RASSF8: variants seen among roughly 807,000 people sequenced by gnomAD.
RASSF8 encodes the protein Ras association domain family member 8.
In RASSF8, 22 loss-of-function variants were observed where a neutral mutation model predicts 48.5. That is an observed-to-expected ratio of 0.45 (90% CI 0.32 to 0.65). The LOEUF (loss-of-function observed/expected upper bound fraction) is 0.65, where lower values mean the gene tolerates loss of function less well. RASSF8 is among the 30% of genes least tolerant of loss of function. The pLI is 0.03. For synonymous variants in RASSF8, 127 were observed against 171.5 expected (o/e 0.74, Z 2.03); for missense variants, 418 against 489.2 (o/e 0.85, Z 1.37).
chr12:26,002,347 C>T (rs974205328), intron 2 of RASSF8, among the ~76,000 whole-genome samples: 21 of 152,192 alleles, frequency 1.4e-4, no homozygotes, highest in Middle Eastern at 3.4e-3. Flanking sequence ...GCAGGAGAAT[C>T]GCTTGAACCC....
At chr12:26,025,587 A>G (rs1942893528) in intron 2 of RASSF8, among the ~76,000 whole-genome samples, 1 of 150,032 alleles carries the variant, frequency 6.7e-6, no homozygotes, top group African/African-American at 2.5e-5. Flanking sequence ...AAAAGCATTC[A>G]GATTGGAAAG....
At chr12:25,971,435 TTG>T (rs1941481417) in intron 1 of RASSF8, among the ~76,000 whole-genome samples, 1 of 152,324 alleles carries the variant, frequency 6.6e-6, no homozygotes, top group East Asian at 1.9e-4. Context: ...GTTCCCACCT[TTG>T]GCACTGATCA....
At chr12:25,973,675 G>T (rs1941535502) in intron 1 of RASSF8, 1 of 152,152 alleles carries the variant, frequency 6.6e-6, no homozygotes, top group South Asian at 2.1e-4. Context: ...GCCTTTGGAA[G>T]GTGATTAGCT....
At chr12:26,012,504 C>T (rs1486908936) in intron 2 of RASSF8, among the ~76,000 whole-genome samples, 5 of 152,114 alleles carry the variant, frequency 3.3e-5, no homozygotes, top group Non-Finnish European at 5.9e-5. Flanking sequence ...TAGACATCAT[C>T]TCCTCATCCA....
chr12:26,051,348 A>G (rs1943485986), intron 2 of RASSF8, among the ~76,000 whole-genome samples: 2 of 152,220 alleles, frequency 1.3e-5, no homozygotes, highest in South Asian at 4.1e-4. Context: ...ACCTGAAGGT[A>G]ATGAATAGTA....
downstream of RASSF8, among the ~76,000 whole-genome samples, chr12:26,076,906 C>T (rs1944077588): frequency 6.6e-6 from 1 of 152,208 alleles, no homozygotes; most frequent in Non-Finnish European, 1.5e-5. Context: ...TCCTATTTCT[C>T]CACATCCTCT....
In RASSF8 at chr12:26,068,762, C is replaced by T. The variant is rs1943938702; in HGVS notation, c.1204C>T (p.Arg402Cys). 3.9e-6 allele frequency: 6 copies of T among 1,537,218 alleles called. No homozygotes were observed. The highest frequency in any genetic ancestry group is 2.7e-5 in the African/African-American group (2 of 73,134). The change falls in exon 6 of 6, where the codon CGC becomes TGC. Residue 402 changes from arginine to cysteine, a missense_variant. Coordinates refer to ENST00000689635, the MANE Select transcript of RASSF8 (RefSeq NM_001394098.1). ...ATCTCGGCAGCTCCCCAGTAATCTC[C>T]GCATTCTGCAGAATCCTATCTCATC... is the stretch of plus-strand genomic sequence containing the variant. The part of the protein sequence containing the change: ...GSSRQLPSNL[R>C]ILQNPISSGF...
intron 1 of RASSF8, among the ~76,000 whole-genome samples, chr12:25,974,760 T>C (rs1941566039): frequency 6.6e-6 from 1 of 152,186 alleles, no homozygotes. Flanking sequence ...GTGTTGGGGC[T>C]GCACTCTGAG....
chr12:25,975,528 A>G (rs1941584988), intron 1 of RASSF8, among the ~76,000 whole-genome samples: 1 of 152,220 alleles, frequency 6.6e-6, no homozygotes, highest in African/African-American at 2.4e-5. Flanking sequence ...CTTCCAGTGT[A>G]GTGTATTGAG....
At chr12:26,073,003 A>G (rs1192001629), downstream of RASSF8, 1 of 227,218 alleles carries the variant, frequency 4.4e-6, no homozygotes, top group Non-Finnish European at 7.3e-6. Flanking sequence ...TTAAAGAATC[A>G]TCTACTGCTC....
At chr12:26,073,349 A>G (rs1304510817), downstream of RASSF8, among the ~76,000 whole-genome samples, 2 of 152,218 alleles carry the variant, frequency 1.3e-5, no homozygotes, top group African/African-American at 2.4e-5. Context: ...TACGGTGCCC[A>G]GTTTCTGCAT....
At chr12:25,972,026 T>C (rs929722022) in intron 1 of RASSF8, among the ~76,000 whole-genome samples, 1 of 152,230 alleles carries the variant, frequency 6.6e-6, no homozygotes, top group South Asian at 2.1e-4. Flanking sequence ...CACTGGATCC[T>C]TGGGCCCAGC....
chr12:26,048,024 G>A (rs1943409312), intron 2 of RASSF8, among the ~76,000 whole-genome samples: 1 of 152,226 alleles, frequency 6.6e-6, no homozygotes, highest in African/African-American at 2.4e-5. Flanking sequence ...AGGAAGCCCA[G>A]TCCATGAGGC....
chr12:25,975,195 C>A (rs1385441843), intron 1 of RASSF8, among the ~76,000 whole-genome samples: 1 of 152,118 alleles, frequency 6.6e-6, no homozygotes, highest in Non-Finnish European at 1.5e-5. Flanking sequence ...ACAAACAGGA[C>A]AACAGGTCCA....
Position 26,069,625 on chromosome 12 carries a change from G to C in RASSF8, c.*807G>C, listed in dbSNP as rs1943958489. On this transcript the variant is annotated 3_prime_UTR_variant, in exon 6 of 6. Coordinates refer to ENST00000689635, the MANE Select transcript of RASSF8 (RefSeq NM_001394098.1). ...GGTTTCCTGATACATTATGTGTTTTGTTTCTGCCCTGTCTTATCATTTACA... is the reference window on the plus strand; with the variant it reads ...GGTTTCCTGATACATTATGTGTTTTCTTTCTGCCCTGTCTTATCATTTACA... 1 of 985,226 alleles carries C rather than the reference G, an allele frequency of 1.0e-6. No homozygotes were observed. The highest frequency in any genetic ancestry group is 1.2e-6 in the Non-Finnish European group (1 of 829,920). The allele number at this position is 985,226 out of a possible 1,614,324, so 61.0% of individuals were successfully genotyped here.
intron 2 of RASSF8, among the ~76,000 whole-genome samples, chr12:26,018,674 C>T (rs981809730): frequency 6.6e-6 from 1 of 152,142 alleles, no homozygotes; most frequent in African/African-American, 2.4e-5. Context: ...ATGCCACTCT[C>T]AGAGGAAAGA....
Position 26,064,642 on chromosome 12 carries a change from C to T in RASSF8, c.248C>T (p.Ser83Phe), listed in dbSNP as rs763565395. 7 of 1,614,048 alleles carry T rather than the reference C, an allele frequency of 4.3e-6. No individual in the cohort carries two copies. In the African/African-American group the frequency reaches 9.3e-5, roughly 22 times the overall value. Residue 83 changes from serine to phenylalanine, a missense_variant, in exon 4 of 6, where the codon TCT becomes TTT. Coordinates refer to ENST00000689635, the MANE Select transcript of RASSF8 (RefSeq NM_001394098.1). ...VQLILRRTGPSLSERPTSDSV... is the reference protein window; with the variant it reads ...VQLILRRTGPFLSERPTSDSV... ...CTCATTCTACGACGAACTGGGCCGTCTCTCAGTGAGCGACCCACTTCAGAC... is the reference window on the plus strand; with the variant it reads ...CTCATTCTACGACGAACTGGGCCGTTTCTCAGTGAGCGACCCACTTCAGAC...
At chr12:25,994,844 C>T (rs1942095633) in intron 1 of RASSF8, among the ~76,000 whole-genome samples, 193 bp from the exon 2 acceptor site, 1 of 152,120 alleles carries the variant, frequency 6.6e-6, no homozygotes, top group African/African-American at 2.4e-5. Context: ...CCAAACAAAC[C>T]CACCCCACAA....
At chr12:25,962,364 G>A (rs1941257041) in intron 1 of RASSF8, among the ~76,000 whole-genome samples, 1 of 152,058 alleles carries the variant, frequency 6.6e-6, no homozygotes, top group South Asian at 2.1e-4. Context: ...CACCCTTATC[G>A]TCATGCGAAT....
Sources: allele counts gnomAD v4.1 joint callset (sites outside exome capture counted in the v4.1 genomes callset), GRCh38; gene constraint gnomAD v4.1.1; transcripts MANE v1.5; gene names NCBI Gene and HGNC (gene_info 2026-07-23, HGNC 2026-07-21).